The following LCLAT1 variants were observed in gnomAD, a reference collection of about 807,000 sequenced individuals.
The protein encoded by LCLAT1 is 1-AGP acyltransferase 8.
Under a neutral mutation model 30.7 loss-of-function variants are expected in LCLAT1, and 11 were observed. The ratio of observed to expected loss-of-function variants is 0.36; its 90% CI spans 0.23 to 0.59. The LOEUF (loss-of-function observed/expected upper bound fraction) is 0.59. LCLAT1 is among the 20% of genes least tolerant of loss of function. The pLI is 0.77. For synonymous variants in LCLAT1, 155 were observed against 151.3 expected, an observed-to-expected ratio of 1.02 and a Z score of -0.18; for missense variants, 402 against 458.6, an observed-to-expected ratio of 0.88 and a Z score of 1.13.
intron 3 of LCLAT1, among the ~76,000 whole-genome samples, chr2:30,538,062 T>C (rs1368522803): frequency 1.3e-5 from 2 of 151,708 alleles, no homozygotes; most frequent in South Asian, 2.1e-4. Context: ...CCGAAACCTA[T>C]AGGATACAGC....
chr2:30,517,770 A>T (rs1367299635), intron 1 of LCLAT1, among the ~76,000 whole-genome samples: 2 of 150,550 alleles, frequency 1.3e-5, no homozygotes, highest in African/African-American at 4.8e-5. Flanking sequence ...ACAGAAAGTC[A>T]GAGAGAGAAA....
intron 3 of LCLAT1, among the ~76,000 whole-genome samples, chr2:30,560,399 T>C (rs556919648): frequency 4.0e-5 from 6 of 151,848 alleles, no homozygotes; most frequent in Non-Finnish European, 8.8e-5. Flanking sequence ...AGTGCAGTGG[T>C]ACGATCTCAG....
chr2:30,542,181 TTTTAAACCTGTC>T (rs1262643213), intron 3 of LCLAT1, among the ~76,000 whole-genome samples: 1 of 152,160 alleles, frequency 6.6e-6, no homozygotes, highest in African/African-American at 2.4e-5. Flanking sequence ...TTTCTACTTT[TTTTAAACCTGTC>T]TTTCAAAGAG....
intron 5 of LCLAT1, among the ~76,000 whole-genome samples, chr2:30,612,289 A>G (rs1667775742): frequency 6.6e-6 from 1 of 152,204 alleles, no homozygotes; most frequent in South Asian, 2.1e-4. Context: ...ATCGTCAAAT[A>G]TGCCATAACT....
chr2:30,506,038 T>A (rs767487435), intron 1 of LCLAT1, among the ~76,000 whole-genome samples: 1 of 152,132 alleles, frequency 6.6e-6, no homozygotes, highest in Non-Finnish European at 1.5e-5. Context: ...CCTTCCTTGC[T>A]TCATTTTGGG....
intron 1 of LCLAT1, among the ~76,000 whole-genome samples, chr2:30,459,350 C>G (rs1199083550): frequency 2.6e-5 from 4 of 152,170 alleles, no homozygotes; most frequent in African/African-American, 9.7e-5. Flanking sequence ...ATATTGGGCT[C>G]TCACCTCAGT....
At chr2:30,495,318 T>C (rs1684055875) in intron 1 of LCLAT1, among the ~76,000 whole-genome samples, 1 of 152,128 alleles carries the variant, frequency 6.6e-6, no homozygotes, top group East Asian at 1.9e-4. Context: ...GGAAAGGACC[T>C]TCAAGATCAT....
chr2:30,545,977 A>G (rs369365863), intron 3 of LCLAT1, among the ~76,000 whole-genome samples: 9 of 152,310 alleles, frequency 5.9e-5, no homozygotes, highest in Non-Finnish European at 1.2e-4. Context: ...AATTTTCCTG[A>G]TATGACCTCA....
chr2:30,625,999 C>T (rs1668490653), intron 5 of LCLAT1, among the ~76,000 whole-genome samples: 1 of 152,154 alleles, frequency 6.6e-6, no homozygotes, highest in Non-Finnish European at 1.5e-5. Context: ...CCCATGTACC[C>T]CAGATGACTA....
At chr2:30,448,136 A>G (rs1031246322) in intron 1 of LCLAT1, among the ~76,000 whole-genome samples, 2 of 152,252 alleles carry the variant, frequency 1.3e-5, no homozygotes, top group African/African-American at 4.8e-5. Flanking sequence ...TTTAAAGTTC[A>G]TTAACTGTGT....
chr2:30,569,888 C>T (rs558377739), intron 5 of LCLAT1, among the ~76,000 whole-genome samples: 7 of 152,132 alleles, frequency 4.6e-5, no homozygotes, highest in South Asian at 4.1e-4. Flanking sequence ...CCCATCTACC[C>T]GTGGAAGTTC....
intron 3 of LCLAT1, among the ~76,000 whole-genome samples, chr2:30,545,567 C>CAGA (rs1664363880): frequency 6.6e-6 from 1 of 152,040 alleles, no homozygotes; most frequent in African/African-American, 2.4e-5. Flanking sequence ...ATTTAGATTT[C>CAGA]AGGTCAAGTT....
intron 1 of LCLAT1, among the ~76,000 whole-genome samples, chr2:30,521,625 C>A (rs1403494536): frequency 6.7e-6 from 1 of 149,802 alleles, no homozygotes; most frequent in Non-Finnish European, 1.5e-5. Flanking sequence ...TTCTACCTCA[C>A]CCTCCCTAGT....
chr2:30,504,410 C>G (rs1684559376), intron 1 of LCLAT1, among the ~76,000 whole-genome samples: 3 of 152,064 alleles, frequency 2.0e-5, no homozygotes, highest in Admixed American at 6.6e-5. Context: ...CTCAGTAAAC[C>G]AAATGATGGT....
At chr2:30,486,009 A>G (rs1266997725) in intron 1 of LCLAT1, among the ~76,000 whole-genome samples, 2 of 152,068 alleles carry the variant, frequency 1.3e-5, no homozygotes, top group Non-Finnish European at 2.9e-5. Flanking sequence ...CTTTCTGCTC[A>G]CTCCCTGATA....
rs561396690 is a variant in LCLAT1, at chr2:30,530,416, A to T, written c.166-2700A>T. Among the ~76,000 whole-genome samples, 20 of 152,358 alleles carry T rather than the reference A, an allele frequency of 1.3e-4. No individual in the cohort carries two copies. The East Asian group carries it at 3.9e-3, about 29-fold the overall frequency. On this transcript the variant is annotated intron_variant, in intron 2 of 5. Coordinates refer to ENST00000379509, the MANE Select transcript of LCLAT1 (RefSeq NM_001002257.3). ...ATATGTCTCATCTGGTATTACAACC[A>T]ATTAATGTGGACTTGAGATCTTGGC...
chr2:30,594,926 C>G (rs1040145703), intron 5 of LCLAT1, among the ~76,000 whole-genome samples: 1 of 152,116 alleles, frequency 6.6e-6, no homozygotes, highest in African/African-American at 2.4e-5. Context: ...TATATTTTCC[C>G]AATAAATCAT....
intron 5 of LCLAT1, among the ~76,000 whole-genome samples, chr2:30,590,847 T>G (rs1028137337): frequency 7.2e-5 from 11 of 152,078 alleles, no homozygotes; most frequent in African/African-American, 2.7e-4. Flanking sequence ...AAATAAATAC[T>G]AAGTACTAAT....
At position 30,641,466 on chromosome 2, in the gene LCLAT1, T is replaced by C. The variant is rs2148542334; in HGVS notation, c.*847T>C. ...CTTTTTTAAAGGAACACTCAGAACA[T>C]TCTGTCATTCCAGTCAGAAACTGTC... On this transcript the variant is annotated 3_prime_UTR_variant, in exon 6 of 6. Transcript: ENST00000379509. 6.6e-6 allele frequency: 1 copy of C among 152,336 alleles called. No individual in the cohort carries two copies. Among genetic ancestry groups the C allele is most frequent in the Middle Eastern group, 3.4e-3 (1 of 294 alleles). 9.4% of individuals were successfully genotyped at this position (152,336 alleles called of 1,614,324 possible).
Sources: allele counts gnomAD v4.1 joint callset (sites outside exome capture counted in the v4.1 genomes callset), GRCh38; gene constraint gnomAD v4.1.1; transcripts MANE v1.5; gene names NCBI Gene and HGNC (gene_info 2026-07-23, HGNC 2026-07-21).